ROBO1: variants seen among roughly 807,000 people sequenced by gnomAD.
ROBO1 encodes the protein roundabout guidance receptor 1.
In ROBO1, 149 loss-of-function variants were observed where a neutral mutation model predicts 195.9. The observed-to-expected ratio is 0.76, with a 90% CI of 0.67 to 0.87. The LOEUF (loss-of-function observed/expected upper bound fraction) is 0.87. ROBO1 is among the 40% of genes least tolerant of loss of function. The pLI, the probability that ROBO1 is intolerant of heterozygous loss-of-function variation, is 0.00. For missense variants in ROBO1, 1,933 were observed against 2,068.3 expected, an observed-to-expected ratio of 0.93 and a Z score of 1.27; for synonymous variants, 816 against 733.2, an observed-to-expected ratio of 1.11 and a Z score of -1.82.
At chr3:78,665,245 A>G (rs551809934) in intron 14 of ROBO1, among the ~76,000 whole-genome samples, 27 of 152,314 alleles carry the variant, frequency 1.8e-4, no homozygotes, top group Middle Eastern at 3.4e-3. Flanking sequence ...AAATTACTTG[A>G]TCCAGGCATA....
chr3:79,703,590 G>C (rs1183455454), intron 1 of ROBO1, among the ~76,000 whole-genome samples: 1 of 151,720 alleles, frequency 6.6e-6, no homozygotes, highest in East Asian at 1.9e-4. Context: ...GCAGTTTTTA[G>C]CATGTGTACT....
At chr3:79,714,090 C>T (rs187059048) in intron 1 of ROBO1, among the ~76,000 whole-genome samples, 2 of 151,932 alleles carry the variant, frequency 1.3e-5, no homozygotes, top group African/African-American at 2.4e-5. Flanking sequence ...TTTTTTGCAA[C>T]CTACTCATCT....
At chr3:79,072,068 T>C (rs2108438949) in intron 3 of ROBO1, among the ~76,000 whole-genome samples, 1 of 152,012 alleles carries the variant, frequency 6.6e-6, no homozygotes, top group South Asian at 2.1e-4. Context: ...ATATATATGC[T>C]TTGTAAATAA....
intron 1 of ROBO1, among the ~76,000 whole-genome samples, chr3:79,742,873 G>A (rs778199096): frequency 2.6e-5 from 4 of 152,196 alleles, no homozygotes; most frequent in Non-Finnish European, 4.4e-5. Flanking sequence ...GATGGAAAAA[G>A]CATTTAGACA....
chr3:79,259,032 A>G (rs1270588700), intron 2 of ROBO1, among the ~76,000 whole-genome samples: 2 of 152,094 alleles, frequency 1.3e-5, no homozygotes, highest in African/African-American at 4.8e-5. Context: ...TTGGATCTTG[A>G]CCCTAAACTT....
At chr3:79,048,994 C>T (rs2078647101) in intron 3 of ROBO1, among the ~76,000 whole-genome samples, 1 of 152,088 alleles carries the variant, frequency 6.6e-6, no homozygotes, top group Non-Finnish European at 1.5e-5. Flanking sequence ...TCTTCTCCTC[C>T]AAAAGATCAC....
chr3:78,658,979 G>C (rs1468210401), intron 17 of ROBO1, among the ~76,000 whole-genome samples: 2 of 152,164 alleles, frequency 1.3e-5, no homozygotes, highest in African/African-American at 2.4e-5. Context: ...CTTCAGGAGA[G>C]AAATGAGTTC....
chr3:78,802,768 T>C (rs1041773298), intron 4 of ROBO1, among the ~76,000 whole-genome samples: 1 of 151,986 alleles, frequency 6.6e-6, no homozygotes, highest in African/African-American at 2.4e-5. Flanking sequence ...TTATCAACAA[T>C]AAGACTTTAC....
At chr3:79,350,225 G>A (rs145249533) in intron 2 of ROBO1, among the ~76,000 whole-genome samples, 1 of 152,154 alleles carries the variant, frequency 6.6e-6, no homozygotes, top group Non-Finnish European at 1.5e-5. Context: ...TCAAGGAAAT[G>A]CAAAGCAAAA....
chr3:78,926,405 G>A (rs2039223751), intron 4 of ROBO1, among the ~76,000 whole-genome samples: 1 of 152,134 alleles, frequency 6.6e-6, no homozygotes, highest in East Asian at 1.9e-4. Flanking sequence ...GGAGATAAGT[G>A]GGAAAATACT....
intron 2 of ROBO1, among the ~76,000 whole-genome samples, chr3:79,191,965 G>A (rs1292214149): frequency 6.6e-6 from 1 of 151,384 alleles, no homozygotes; most frequent in Non-Finnish European, 1.5e-5. Flanking sequence ...ATATTTTATT[G>A]TGCAGAGGGA....
intron 2 of ROBO1, among the ~76,000 whole-genome samples, chr3:79,349,243 T>C (rs2035249699): frequency 6.6e-6 from 1 of 152,176 alleles, no homozygotes; most frequent in South Asian, 2.1e-4. Flanking sequence ...AAATGCTTCC[T>C]TAGGCTTGTG....
chr3:78,758,608 A>G (rs568377194), intron 4 of ROBO1, among the ~76,000 whole-genome samples: 1 of 152,222 alleles, frequency 6.6e-6, no homozygotes, highest in African/African-American at 2.4e-5. Flanking sequence ...AAACAATTCA[A>G]TAAAAACAAA....
intron 4 of ROBO1, among the ~76,000 whole-genome samples, chr3:78,818,927 CTTA>C (rs763405282): frequency 6.6e-6 from 1 of 151,944 alleles, no homozygotes; most frequent in Non-Finnish European, 1.5e-5. Context: ...ATTGTTCTAC[CTTA>C]TTATTAGTTA....
chr3:79,486,273 C>CAA (rs1939156296), intron 2 of ROBO1, among the ~76,000 whole-genome samples: 1 of 151,088 alleles, frequency 6.6e-6, no homozygotes, highest in African/African-American at 2.4e-5. Context: ...TATATAAAAA[C>CAA]AATTTTGATC....
At position 78,938,761 on chromosome 3, in the gene ROBO1, A is replaced by C; in HGVS notation, c.339T>G (p.Asp113Glu). Residue 113 changes from aspartate to glutamate, a missense_variant, in exon 4 of 31, where the codon GAT becomes GAG. By Grantham distance (45) the Asp-to-Glu change is conservative. This residue lies in a region of ROBO1 where 185 missense variants were observed against 159.5 expected (regional missense o/e 1.16). Transcript: ENST00000464233. Reference sequence around the variant, plus strand: ...GCAACATTCGGTGTGAGCGAGGGTCATCTTTGTCTGTCTCCACTCTCTCTC... The same window carrying C: ...GCAACATTCGGTGTGAGCGAGGGTCCTCTTTGTCTGTCTCCACTCTCTCTC... ...KGGERVETDK[D>E]DPRSHRMLLP... 4 of 1,613,984 alleles carry C rather than the reference A, an allele frequency of 2.5e-6. No individual in the cohort carries two copies. The highest frequency in any genetic ancestry group is 3.4e-6 in the Non-Finnish European group (4 of 1,179,896).
At chr3:78,892,232 A>C (rs2036946461) in intron 4 of ROBO1, among the ~76,000 whole-genome samples, 1 of 152,184 alleles carries the variant, frequency 6.6e-6, no homozygotes, top group Admixed American at 6.5e-5. Context: ...TTCTCATAGA[A>C]GTGCAAACCC....
At chr3:79,197,577 T>C (rs2081663021) in intron 2 of ROBO1, among the ~76,000 whole-genome samples, 2 of 152,102 alleles carry the variant, frequency 1.3e-5, no homozygotes, top group Non-Finnish European at 1.5e-5. Flanking sequence ...CTGGGTCAAA[T>C]GGAATTTCTA....
intron 10 of ROBO1, among the ~76,000 whole-genome samples, chr3:78,678,390 G>T (rs967721287): frequency 2.0e-5 from 3 of 152,108 alleles, no homozygotes; most frequent in Non-Finnish European, 4.4e-5. Context: ...CCAAGAGCTG[G>T]TTTTTTGAAA....
Sources: allele counts gnomAD v4.1 joint callset (sites outside exome capture counted in the v4.1 genomes callset), GRCh38; gene constraint gnomAD v4.1.1; regional missense constraint gnomAD v4.1.1; transcripts MANE v1.5; gene names NCBI Gene and HGNC (gene_info 2026-07-23, HGNC 2026-07-21).